Variants in CADM2 observed in about 807,000 individuals in gnomAD.
CADM2 encodes the protein immunoglobulin superfamily member 4D.
In CADM2, 12 loss-of-function variants were observed where a neutral mutation model predicts 49.8. The observed-to-expected ratio is 0.24, with a 90% CI of 0.15 to 0.39. CADM2 has a LOEUF of 0.39. Among genes scored for constraint, CADM2 ranks in the 10% least tolerant of loss-of-function variants. CADM2 has a pLI of 1.00. For missense variants in CADM2, 378 were observed against 492.3 expected (o/e 0.77, Z 2.20); for synonymous variants, 214 against 175.4 (o/e 1.22, Z -1.74).
At chr3:85,530,584 C>T (rs778960446) in intron 1 of CADM2, among the ~76,000 whole-genome samples, 2 of 151,968 alleles carry the variant, frequency 1.3e-5, no homozygotes, top group Non-Finnish European at 2.9e-5. Flanking sequence ...CCTCCTTGGC[C>T]TCCCAAAGTG....
intron 2 of CADM2, among the ~76,000 whole-genome samples, chr3:85,748,727 C>T (rs1328180643): frequency 6.6e-6 from 1 of 152,098 alleles, no homozygotes; most frequent in African/African-American, 2.4e-5. Context: ...TTGCCTCTCT[C>T]AGGTGTTTAC....
intron 1 of CADM2, among the ~76,000 whole-genome samples, chr3:85,366,878 T>G (rs1388897550): frequency 6.6e-6 from 1 of 152,052 alleles, no homozygotes; most frequent in Non-Finnish European, 1.5e-5. Flanking sequence ...ATGATAGAGG[T>G]ATGAAGAAAA....
At chr3:85,288,254 C>A (rs2043685597) in intron 1 of CADM2, among the ~76,000 whole-genome samples, 1 of 151,982 alleles carries the variant, frequency 6.6e-6, no homozygotes, top group African/African-American at 2.4e-5. Context: ...TCATGGAGAT[C>A]AGTTACCTTA....
chr3:85,753,686 T>C (rs2068968837), intron 2 of CADM2, among the ~76,000 whole-genome samples: 1 of 152,126 alleles, frequency 6.6e-6, no homozygotes, highest in African/African-American at 2.4e-5. Context: ...ATATAGGAAC[T>C]AGAACAGGTG....
At chr3:85,045,005 A>G (rs1351493130) in intron 1 of CADM2, among the ~76,000 whole-genome samples, 1 of 152,094 alleles carries the variant, frequency 6.6e-6, no homozygotes, top group African/African-American at 2.4e-5. Context: ...AGGTGTGCAT[A>G]AGACATTGCT....
intron 1 of CADM2, among the ~76,000 whole-genome samples, chr3:85,293,040 T>C (rs2043847758): frequency 6.6e-6 from 1 of 152,008 alleles, no homozygotes; most frequent in African/African-American, 2.4e-5. Context: ...GATAGACCGC[T>C]AGCAAGACTA....
intron 1 of CADM2, among the ~76,000 whole-genome samples, chr3:85,402,134 A>C (rs1331965351): frequency 6.6e-6 from 1 of 152,088 alleles, no homozygotes; most frequent in African/African-American, 2.4e-5. Flanking sequence ...ATTAATACTT[A>C]AACCATGATT....
At chr3:85,347,630 A>T (rs868164577) in intron 1 of CADM2, among the ~76,000 whole-genome samples, 2 of 45,066 alleles carry the variant, frequency 4.4e-5, no homozygotes, top group East Asian at 3.4e-3. Flanking sequence ...CATATATATA[A>T]ATATATATAC....
In CADM2 at chr3:85,758,242, G is replaced by A. The variant is rs138342569; in HGVS notation, c.88+31694G>A. On this transcript the variant is annotated intron_variant, in intron 2 of 9. Transcript: ENST00000383699. Reference sequence around the variant, plus strand: ...ACAGATGAGCCAGGGCACAAATAAAGCAATGAACATTAATCAGCAAAACTT... The same window carrying A: ...ACAGATGAGCCAGGGCACAAATAAAACAATGAACATTAATCAGCAAAACTT... Among the ~76,000 whole-genome samples the A allele has an allele frequency of 2.5e-3, 375 of 152,204 alleles. 1 individual carries two copies. Among genetic ancestry groups the A allele is most frequent in the African/African-American group, 8.7e-3 (363 of 41,542 alleles).
chr3:85,237,496 A>G (rs1438655480), intron 1 of CADM2, among the ~76,000 whole-genome samples: 1 of 151,664 alleles, frequency 6.6e-6, no homozygotes, highest in African/African-American at 2.4e-5. Context: ...ATTATTTCCA[A>G]AAACTTGATA....
At chr3:85,859,161 C>G (rs182630699) in intron 3 of CADM2, among the ~76,000 whole-genome samples, 194 of 146,956 alleles carry the variant, frequency 1.3e-3, no homozygotes, top group Non-Finnish European at 2.5e-3. Flanking sequence ...TTTAGTATTT[C>G]TTTCTGTATG....
chr3:85,230,879 T>C (rs2042271285), intron 1 of CADM2, among the ~76,000 whole-genome samples: 1 of 152,156 alleles, frequency 6.6e-6, no homozygotes, highest in Admixed American at 6.5e-5. Flanking sequence ...ATGTTATTTT[T>C]CTAGGGCTGC....
chr3:84,973,210 G>T (rs2031585521), intron 1 of CADM2, among the ~76,000 whole-genome samples: 1 of 152,150 alleles, frequency 6.6e-6, no homozygotes, highest in Admixed American at 6.6e-5. Context: ...ACTGTGCCCA[G>T]CCTGTAATGC....
chr3:85,479,054 C>T (rs190147965), intron 1 of CADM2, among the ~76,000 whole-genome samples: 2 of 151,886 alleles, frequency 1.3e-5, no homozygotes, highest in Non-Finnish European at 1.5e-5. Context: ...AGGGATCCTC[C>T]AGCCTCAGAC....
intron 8 of CADM2, among the ~76,000 whole-genome samples, chr3:86,033,818 TTA>T (rs1013988387): frequency 6.8e-6 from 1 of 146,916 alleles, no homozygotes; most frequent in Non-Finnish European, 1.5e-5. Context: ...ATATACATAA[TTA>T]TATATATTTA....
chr3:85,681,892 A>G (rs1691406831), intron 1 of CADM2, among the ~76,000 whole-genome samples: 1 of 152,184 alleles, frequency 6.6e-6, no homozygotes. Flanking sequence ...AATAGCTGAT[A>G]CATTTCACAC....
At chr3:86,000,494 T>TTTAAATATATAGAG (rs1247405500) in intron 8 of CADM2, among the ~76,000 whole-genome samples, 3 of 152,158 alleles carry the variant, frequency 2.0e-5, no homozygotes, top group African/African-American at 7.2e-5. Context: ...ATAAGTAATC[T>TTTAAATATATAGAG]TTAAAATATA....
intron 1 of CADM2, among the ~76,000 whole-genome samples, chr3:85,175,264 G>C (rs1576043823): frequency 6.6e-6 from 1 of 152,126 alleles, no homozygotes; most frequent in East Asian, 1.9e-4. Flanking sequence ...GCAATTACAT[G>C]TCAGTGCATG....
intron 1 of CADM2, 125 bp from the exon 2 acceptor site, chr3:85,726,397 A>G: frequency 1.0e-6 from 1 of 1,001,408 alleles, no homozygotes; most frequent in Non-Finnish European, 1.6e-6. Context: ...TAGGCTGTTG[A>G]TCATGAAATC....
Sources: allele counts gnomAD v4.1 joint callset (sites outside exome capture counted in the v4.1 genomes callset), GRCh38; gene constraint gnomAD v4.1.1; transcripts MANE v1.5; gene names NCBI Gene and HGNC (gene_info 2026-07-23, HGNC 2026-07-21).